The following NAT10 variants were observed in gnomAD, a reference collection of about 807,000 sequenced individuals.
NAT10 encodes RNA cytidine acetyltransferase.
Under a neutral mutation model 132.2 loss-of-function variants are expected in NAT10, and 109 were observed. That is an observed-to-expected ratio of 0.82 (90% CI 0.71 to 0.97). NAT10 has a LOEUF of 0.97. Among genes scored for constraint, NAT10 ranks in the 50% least tolerant of loss-of-function variants. NAT10 has a pLI of 0.00. For synonymous variants in NAT10, 479 were observed against 478.0 expected, an observed-to-expected ratio of 1.00 and a Z score of -0.03; for missense variants, 1,184 against 1,263.4, an observed-to-expected ratio of 0.94 and a Z score of 0.95.
At chr11:34,114,228 G>A (rs1017944740) in intron 5 of NAT10, among the ~76,000 whole-genome samples, 47 of 152,182 alleles carry the variant, frequency 3.1e-4, no homozygotes, top group African/African-American at 1.1e-3. Context: ...AATGGATGAC[G>A]AAGGAACATT....
intron 5 of NAT10, among the ~76,000 whole-genome samples, chr11:34,115,293 T>A (rs1419694792): frequency 6.6e-6 from 1 of 152,234 alleles, no homozygotes; most frequent in African/African-American, 2.4e-5. Flanking sequence ...AATGACTTTG[T>A]GCTCACATCA....
chr11:34,121,437 G>A (rs974441082), intron 8 of NAT10, among the ~76,000 whole-genome samples: 1 of 152,134 alleles, frequency 6.6e-6, no homozygotes, highest in Non-Finnish European at 1.5e-5. Context: ...TTTGGCCCAA[G>A]CAGTTGAACA....
In NAT10 at chr11:34,146,816, A is replaced by G. The variant is rs1359120921; in HGVS notation, c.*624A>G. On this transcript the variant is annotated 3_prime_UTR_variant, in exon 29 of 29. Transcript: ENST00000257829. ...TGCGTCCTCAAGACCTGTTTCATCC[A>G]TTTGGGAAAAGATGTTGGGAAAGGC... is the stretch of plus-strand genomic sequence containing the variant. 2 of 152,212 alleles carry G rather than the reference A, an allele frequency of 1.3e-5. No individual in the cohort carries two copies. The highest frequency in any genetic ancestry group is 2.9e-5 in the Non-Finnish European group (2 of 68,066). The allele number at this position is 152,212 out of a possible 1,614,324, so 9.4% of individuals were successfully genotyped here. A position where few individuals can be genotyped will look rare whatever the true frequency, so the allele number is the denominator to read the frequency against.
At chr11:34,137,380 TG>T (rs1852236124) in intron 21 of NAT10, among the ~76,000 whole-genome samples, 1 of 152,156 alleles carries the variant, frequency 6.6e-6, no homozygotes. Context: ...CTGTCGGAGA[TG>T]GGACTCACTG....
chr11:34,116,427 T>G (rs1851784304), intron 6 of NAT10, among the ~76,000 whole-genome samples: 1 of 152,102 alleles, frequency 6.6e-6, no homozygotes, highest in African/African-American at 2.4e-5. Context: ...TTTTATTTAT[T>G]TATTTTTTTG....
chr11:34,127,564 C>A lies in NAT10; in HGVS notation c.1209C>A (p.Gly403=). ...TCCCCTTGGTGAAGAGCCTACTTGG[C>A]CCCTACCTTGTTTTCATGGCATCCA... ...IPLPLVKSLL[G]PYLVFMASTI... The change falls in exon 12 of 29, where the codon GGC becomes GGA. Residue 403 remains glycine, a synonymous_variant. Coordinates refer to ENST00000257829, the MANE Select transcript of NAT10 (RefSeq NM_024662.3). 1 of 1,613,688 alleles carries A rather than the reference C, an allele frequency of 6.2e-7. No individual in the cohort carries two copies. The highest frequency in any genetic ancestry group is 8.5e-7 in the Non-Finnish European group (1 of 1,179,594).
At chr11:34,107,494 A>T (rs575705215) in intron 1 of NAT10, among the ~76,000 whole-genome samples, 1 of 152,372 alleles carries the variant, frequency 6.6e-6, no homozygotes, top group East Asian at 1.9e-4. Context: ...CCCACCATCC[A>T]GAAGTAGCTA....
At chr11:34,126,194 T>C (rs1403798071) in intron 11 of NAT10, among the ~76,000 whole-genome samples, 1 of 152,250 alleles carries the variant, frequency 6.6e-6, no homozygotes, top group Non-Finnish European at 1.5e-5. Context: ...CATTTAGATT[T>C]TTGTTTTAAA....
At chr11:34,135,145 C>T (rs759542672) in intron 18 of NAT10, 30 bp from the exon 19 acceptor site, 6 of 1,568,078 alleles carry the variant, frequency 3.8e-6, no homozygotes, top group Non-Finnish European at 5.3e-6. Context: ...TCTCTTCCCT[C>T]GGCCTCTTCC....
At position 34,139,257 on chromosome 11, in the gene NAT10, C is replaced by G. The variant is rs773357788; in HGVS notation, c.2278C>G (p.Gln760Glu). 1.1e-5 allele frequency: 18 copies of G among 1,613,884 alleles called. No homozygotes were observed. Among genetic ancestry groups the G allele is most frequent in the Non-Finnish European group, 1.5e-5 (18 of 1,180,002 alleles). ...GCTCACTGATGAGGATGAGGCTGACCAGGGAGGCTGGCTTGCAGCCTTCTG... is the reference window on the plus strand; with the variant it reads ...GCTCACTGATGAGGATGAGGCTGACGAGGGAGGCTGGCTTGCAGCCTTCTG... ...KTLTDEDEAD[Q>E]GGWLAAFWKD... Residue 760 changes from glutamine (Q) to glutamate (E), a missense_variant, in exon 22 of 29, where the codon CAG becomes GAG. Physicochemically the swap from Gln to Glu is conservative, Grantham distance 29. Transcript: ENST00000257829.
At chr11:34,135,106 G>A in intron 18 of NAT10, 69 bp from the exon 19 acceptor site, 1 of 1,204,784 alleles carries the variant, frequency 8.3e-7, no homozygotes, top group Non-Finnish European at 1.2e-6. Flanking sequence ...CAATGCAGGG[G>A]AGTCACTGTG....
chr11:34,128,129 G>T (rs948870948), intron 12 of NAT10, among the ~76,000 whole-genome samples: 6 of 152,070 alleles, frequency 3.9e-5, no homozygotes, highest in African/African-American at 1.4e-4. Flanking sequence ...GCCGAGGCAG[G>T]CGGATCACAA....
chr11:34,122,049 G>T (rs181525397), intron 8 of NAT10, among the ~76,000 whole-genome samples: 391 of 151,918 alleles, frequency 2.6e-3, no homozygotes, highest in African/African-American at 9.1e-3. Flanking sequence ...GGTGGCAAGC[G>T]CCTGTAATCT....
intron 5 of NAT10, 33 bp downstream of exon 5, chr11:34,113,871 G>T (rs764276204): frequency 6.2e-7 from 1 of 1,607,840 alleles, no homozygotes; most frequent in African/African-American, 1.3e-5. Context: ...AATTGTGAGG[G>T]TTCAAGTAAA....
intron 9 of NAT10, 120 bp from the exon 10 acceptor site, chr11:34,123,642 T>C (rs1851935124): frequency 2.9e-6 from 2 of 693,940 alleles, no homozygotes; most frequent in South Asian, 4.0e-5. Context: ...CTTTTTCCCT[T>C]GCTGTTACCT....
In NAT10 at chr11:34,134,565, T is replaced by C. The variant is rs774485672; in HGVS notation, c.1890T>C (p.Ala630=). ...CTGGTGGAAGGGTCGTTCGCATTGC[T>C]GTTCACCCAGATTATCAAGGGGTAA... ...GLSGGRVVRI[A]VHPDYQGMGY... Residue 630 remains alanine (A), a synonymous_variant, in exon 18 of 29, where the codon GCT becomes GCC. Coordinates refer to ENST00000257829, the MANE Select transcript of NAT10 (RefSeq NM_024662.3). 1.2e-6 allele frequency: 2 copies of C among 1,614,190 alleles called. No individual in the cohort carries two copies. The highest frequency in any genetic ancestry group is 2.2e-5 in the South Asian group (2 of 91,084).
chr11:34,133,203 T>A, intron 16 of NAT10, 61 bp downstream of exon 16: 1 of 1,259,416 alleles, frequency 7.9e-7, no homozygotes, highest in Non-Finnish European at 1.2e-6. Context: ...CATCAGGAAT[T>A]AGTGGCTTAA....
At chr11:34,139,332 G>A in intron 22 of NAT10, 45 bp downstream of exon 22, 1 of 1,610,404 alleles carries the variant, frequency 6.2e-7, no homozygotes, top group Non-Finnish European at 8.5e-7. Flanking sequence ...AGGTGATTGG[G>A]GGCTGCCGGG....
At chr11:34,129,904 C>T (rs1329576804) in intron 12 of NAT10, among the ~76,000 whole-genome samples, 2 of 151,948 alleles carry the variant, frequency 1.3e-5, no homozygotes, top group East Asian at 1.9e-4. Context: ...CCACCATGCC[C>T]GGCCACTTTC....
Sources: gnomAD v4.1 joint callset for allele counts (sites outside exome capture counted in the v4.1 genomes callset) on GRCh38, gnomAD v4.1.1 for gene constraint, MANE v1.5 for transcripts, NCBI Gene and HGNC (gene_info 2026-07-23, HGNC 2026-07-21) for gene names.